The following CPEB3 variants were observed in gnomAD, a reference collection of about 807,000 sequenced individuals.
The protein encoded by CPEB3 is cytoplasmic polyadenylation element binding protein 3.
A neutral mutation model predicts 67.2 loss-of-function variants in CPEB3; 20 were observed. That is an observed-to-expected ratio of 0.30 (90% CI 0.21 to 0.43). The LOEUF (loss-of-function observed/expected upper bound fraction) is 0.43, where lower values mean the gene tolerates loss of function less well. CPEB3 is among the 20% of genes least tolerant of loss of function. The pLI is 1.00. For missense variants in CPEB3, 746 were observed against 968.6 expected, an observed-to-expected ratio of 0.77 and a Z score of 3.05; for synonymous variants, 376 against 393.1, an observed-to-expected ratio of 0.96 and a Z score of 0.51.
rs559834389 is a variant in CPEB3 at position 92,092,056 on chromosome 10, C to T, written c.1573-112G>A. 1.7e-4 allele frequency: 119 copies of T among 706,616 alleles called. No individual in the cohort carries two copies. The African/African-American group carries it at 2.0e-3, about 12-fold the overall frequency. The allele number at this position is 706,616 out of a possible 1,614,324, so 43.8% of individuals were successfully genotyped here. A position where few individuals can be genotyped will look rare whatever the true frequency, so the allele number is the denominator to read the frequency against. On this transcript the variant is annotated intron_variant, in intron 7 of 9. Transcript: ENST00000265997. ...TGTGCATTTCACAATGAACATGACC[C>T]AAACAAAATCCAGTTAATTAGTTAA...
chr10:92,236,881 T>C (rs1478128549), intron 2 of CPEB3, among the ~76,000 whole-genome samples: 1 of 152,200 alleles, frequency 6.6e-6, no homozygotes, highest in Non-Finnish European at 1.5e-5. Flanking sequence ...TGGGTTTCTT[T>C]AAAAATTTTA....
intron 9 of CPEB3, among the ~76,000 whole-genome samples, chr10:92,067,036 C>T (rs570184015): frequency 1.3e-5 from 2 of 148,860 alleles, no homozygotes; most frequent in South Asian, 4.3e-4. Flanking sequence ...GTGACACAGC[C>T]GAGACTCCAT....
intron 6 of CPEB3, among the ~76,000 whole-genome samples, chr10:92,130,514 T>A (rs1355762404): frequency 6.6e-6 from 1 of 152,136 alleles, no homozygotes; most frequent in African/African-American, 2.4e-5. Context: ...GCTCTGTATA[T>A]CCTCAATGGG....
chr10:92,133,976 G>A (rs1845968128), intron 6 of CPEB3, among the ~76,000 whole-genome samples: 1 of 152,180 alleles, frequency 6.6e-6, no homozygotes, highest in African/African-American at 2.4e-5. Flanking sequence ...AGCCCTTCAT[G>A]CTAAAAACTC....
intron 6 of CPEB3, among the ~76,000 whole-genome samples, chr10:92,134,436 C>T (rs1379532632): frequency 1.3e-5 from 2 of 151,746 alleles, no homozygotes; most frequent in East Asian, 3.8e-4. Flanking sequence ...GAATAAAATA[C>T]CTAGGAATCC....
At chr10:92,065,727 C>T (rs1345894247) in intron 9 of CPEB3, among the ~76,000 whole-genome samples, 1 of 152,096 alleles carries the variant, frequency 6.6e-6, no homozygotes. Flanking sequence ...GGACTCAGTG[C>T]TTTAACATGA....
At chr10:92,161,519 C>T (rs569170319) in intron 4 of CPEB3, among the ~76,000 whole-genome samples, 2 of 152,140 alleles carry the variant, frequency 1.3e-5, no homozygotes, top group Middle Eastern at 3.4e-3. Flanking sequence ...GTGATCCACC[C>T]ACGTTGGCCT....
chr10:92,101,276 C>G (rs1844175428), intron 7 of CPEB3, among the ~76,000 whole-genome samples: 1 of 152,136 alleles, frequency 6.6e-6, no homozygotes, highest in Non-Finnish European at 1.5e-5. Flanking sequence ...ACTCTGATTT[C>G]TTTTTTCCTT....
rs769776899 is a variant in CPEB3, at chr10:92,052,296, A to G, written c.2013T>C (p.His671=). Reference sequence around the variant, plus strand: ...TGTGGAACTCCCGCCCGGCTCGGGAATGTATGCTCGCCCAGCAGTATTCAC... The same window carrying G: ...TGTGGAACTCCCGCCCGGCTCGGGAGTGTATGCTCGCCCAGCAGTATTCAC... ...YYCEYCWASI[H]SRAGREFHKP... Residue 671 remains histidine (H), a synonymous_variant, in exon 10 of 10, where the codon CAT becomes CAC. Coordinates refer to ENST00000265997, the MANE Select transcript of CPEB3 (RefSeq NM_014912.5). 3.0e-5 allele frequency: 48 copies of G among 1,614,038 alleles called. No individual in the cohort carries two copies. In the East Asian group the frequency reaches 1.0e-3, roughly 34 times the overall value.
rs528309830 is a variant in CPEB3, at chr10:92,093,940, C to T, written c.1573-1996G>A. 4.6e-5 allele frequency among the ~76,000 whole-genome samples: 7 copies of T among 152,180 alleles called. No individual in the cohort carries two copies. The South Asian group carries it at 1.0e-3, about 23-fold the overall frequency. ...CATGATCTCGGCTCACTGCAACCTC[C>T]GTCTCCTGGGTTCAAGTGATTCTCG... On this transcript the variant is annotated intron_variant, in intron 7 of 9. Transcript: ENST00000265997.
At chr10:92,247,917 C>G (rs1408578148) in intron 1 of CPEB3, among the ~76,000 whole-genome samples, 1 of 151,982 alleles carries the variant, frequency 6.6e-6, no homozygotes, top group East Asian at 1.9e-4. Context: ...TTCTTTGAGA[C>G]AGAGTCTTGC....
At chr10:92,229,686 G>A (rs1305506228) in intron 2 of CPEB3, among the ~76,000 whole-genome samples, 4 of 152,218 alleles carry the variant, frequency 2.6e-5, no homozygotes, top group South Asian at 4.1e-4. Flanking sequence ...ACAAATTGAA[G>A]ATGTCCTTTA....
At chr10:92,083,522 C>A (rs182232473) in intron 8 of CPEB3, among the ~76,000 whole-genome samples, 6 of 152,274 alleles carry the variant, frequency 3.9e-5, no homozygotes, top group African/African-American at 1.4e-4. Flanking sequence ...AATGTTACTG[C>A]AGTAACAGAG....
At chr10:92,098,270 C>T (rs1282583755) in intron 7 of CPEB3, among the ~76,000 whole-genome samples, 1 of 149,040 alleles carries the variant, frequency 6.7e-6, no homozygotes, top group Non-Finnish European at 1.5e-5. Flanking sequence ...TTGCATGACA[C>T]CTATTAATAC....
chr10:92,244,919 C>G lies in CPEB3; in HGVS notation c.-11-4558G>C, dbSNP rs537926447. Among the ~76,000 whole-genome samples, 3 of 152,262 alleles carry G rather than the reference C, an allele frequency of 2.0e-5. No individual in the cohort carries two copies. The East Asian group carries it at 5.8e-4, about 29-fold the overall frequency. ...ATTTCTTGTGGGATTTGGTTCAGTG[C>G]TACTCACCCAAGGGGTTAGCAATAA... On this transcript the variant is annotated intron_variant, in intron 1 of 9. Coordinates refer to ENST00000265997, the MANE Select transcript of CPEB3 (RefSeq NM_014912.5).
chr10:92,220,531 A>G (rs1276465869), intron 2 of CPEB3, among the ~76,000 whole-genome samples: 1 of 146,168 alleles, frequency 6.8e-6, no homozygotes, highest in Non-Finnish European at 1.5e-5. Context: ...TTAAATGAGC[A>G]CTATGGCAAT....
chr10:92,197,605 T>C (rs1328158941), intron 2 of CPEB3, among the ~76,000 whole-genome samples: 1 of 152,194 alleles, frequency 6.6e-6, no homozygotes, highest in Non-Finnish European at 1.5e-5. Flanking sequence ...ATTGACTCTT[T>C]TTCTTTGAAG....
At chr10:92,095,601 T>TATATATA (rs1491405800) in intron 7 of CPEB3, among the ~76,000 whole-genome samples, 1,995 of 87,606 alleles carry the variant, frequency 0.023, 76 homozygotes, top group African/African-American at 0.062. Context: ...TATATATATA[T>TATATATA]TTTTTTTTTT....
chr10:92,244,346 CA>C (rs1249850464), intron 1 of CPEB3, among the ~76,000 whole-genome samples: 20 of 136,400 alleles, frequency 1.5e-4, no homozygotes, highest in Admixed American at 1.5e-4. Flanking sequence ...GACCCTGTCT[CA>C]AAAAAAAAAA....
Sources: gnomAD v4.1 joint callset for allele counts (sites outside exome capture counted in the v4.1 genomes callset) on GRCh38, gnomAD v4.1.1 for gene constraint, MANE v1.5 for transcripts, NCBI Gene and HGNC (gene_info 2026-07-23, HGNC 2026-07-21) for gene names.